Variants in KDELR1 observed in about 807,000 individuals in gnomAD.
KDELR1 encodes the protein KDEL endoplasmic reticulum protein retention receptor 1, also known as ER lumen protein-retaining receptor 1.
A neutral mutation model predicts 25.5 loss-of-function variants in KDELR1; 16 were observed. The ratio of observed to expected loss-of-function variants is 0.63; its 90% CI spans 0.43 to 0.95. The LOEUF is 0.95. Ranked by LOEUF, KDELR1 falls within the 40% of genes least tolerant of loss-of-function variation. The pLI, the probability that KDELR1 is intolerant of heterozygous loss-of-function variation, is 0.00. For missense variants in KDELR1, 159 were observed against 265.2 expected, an observed-to-expected ratio of 0.60 and a Z score of 2.78; for synonymous variants, 121 against 115.0, an observed-to-expected ratio of 1.05 and a Z score of -0.33.
intron 2 of KDELR1, 56 bp downstream of exon 2, chr19:48,390,368 C>G: frequency 7.5e-7 from 1 of 1,329,858 alleles, no homozygotes; most frequent in South Asian, 1.2e-5. Context: ...AGTCTGGGAC[C>G]CACACCCGGC....
In KDELR1 at chr19:48,389,669, A is replaced by G; in HGVS notation, c.235T>C (p.Tyr79His). Reference protein sequence around the residue: ...ACSFTTVWLIYSKFKATYDGN... With the variant: ...ACSFTTVWLIHSKFKATYDGN... ...TCGTAAGTAGCTTTGAACTTGCTAT[A>G]AATCAACCAGACCGTGGTGAAGGAG... is the stretch of plus-strand genomic sequence containing the variant. The change falls in exon 3 of 5, where the codon TAT becomes CAT. Residue 79 changes from tyrosine (Y) to histidine (H), a missense_variant. Physicochemically the swap from Tyr to His is moderately conservative, Grantham distance 83. Transcript: ENST00000330720. The G allele has an allele frequency of 6.2e-7, 1 of 1,614,136 alleles. No individual in the cohort carries two copies. The highest frequency in any genetic ancestry group is 8.5e-7 in the Non-Finnish European group (1 of 1,179,982).
intron 3 of KDELR1, among the ~76,000 whole-genome samples, chr19:48,385,243 T>C (rs1294063405): frequency 6.6e-6 from 1 of 152,180 alleles, no homozygotes; most frequent in East Asian, 1.9e-4. Flanking sequence ...GGAAAAGCTC[T>C]TCCCCTACAC....
Position 48,384,326 on chromosome 19 carries a change from A to G in KDELR1, c.508T>C (p.Tyr170His), listed in dbSNP as rs369566600. The G allele has an allele frequency of 6.2e-7, 1 of 1,614,250 alleles. No individual in the cohort carries two copies. The highest frequency in any genetic ancestry group is 8.5e-7 in the Non-Finnish European group (1 of 1,180,048). The change falls in exon 4 of 5, where the codon TAC (tyrosine) becomes CAC (histidine). Residue 170 changes from tyrosine to histidine, a missense_variant. Transcript: ENST00000330720. This position sits in a 1 kb window ranked among gnomAD's most constrained non-coding sequence, Gnocchi z 4.6. ...AGGTCGAAGAAGCCCTCGAAATGGTAGCGCCAGATCCAGTTGAAGAGATAG... is the reference window on the plus strand; with the variant it reads ...AGGTCGAAGAAGCCCTCGAAATGGTGGCGCCAGATCCAGTTGAAGAGATAG... ...TLYLFNWIWR[Y>H]HFEGFFDLIA... is the part of the protein sequence containing the mutation.
intron 1 of KDELR1, chr19:48,390,875 G>A (rs185307052): frequency 2.5e-4 from 111 of 437,518 alleles, no homozygotes; most frequent in African/African-American, 1.9e-3. Context: ...GTGAGGCCTA[G>A]GGAGGACCTT....
At position 48,389,726 on chromosome 19, in the gene KDELR1, G is replaced by T. The variant is rs1168853205; in HGVS notation, c.193-15C>A. 1 of 1,613,414 alleles carries T rather than the reference G, an allele frequency of 6.2e-7. No individual in the cohort carries two copies. Among genetic ancestry groups the T allele is most frequent in the African/African-American group, 1.3e-5 (1 of 74,884 alleles). ...ATGTAGACCACCTGAGGAGGGGGAT[G>T]ATGAGAAGGGGCCTCAACTCACAGG... On this transcript the variant is annotated splice_polypyrimidine_tract_variant and intron_variant, in intron 2 of 4. Coordinates refer to ENST00000330720, the MANE Select transcript of KDELR1 (RefSeq NM_006801.3).
chr19:48,390,559 GAGACAGAGAGAGAGAGAGAGAC>G lies in KDELR1; in HGVS notation c.92-57_92-36del, dbSNP rs376056477. The stretch of plus-strand genomic sequence containing the variant: ...AGAGACAGAGAAAGAGAGAGAGAGA[GAGACAGAGAGAGAGAGAGAGAC>G]AGACAGACAGACAGACAGACAGAAG... On this transcript the variant is annotated intron_variant, in intron 1 of 4. Coordinates refer to ENST00000330720, the MANE Select transcript of KDELR1 (RefSeq NM_006801.3). 1,388 of 1,308,106 alleles carry G rather than the reference GAGACAGAGAGAGAGAGAGAGAC, an allele frequency of 1.1e-3. 7 individuals are homozygous for G. In the African/African-American group the frequency reaches 0.015, roughly 14 times the overall value. The allele number at this position is 1,308,106 out of a possible 1,614,324, so 81.0% of individuals were successfully genotyped here.
Position 48,391,415 on chromosome 19 carries a change from C to T in KDELR1, c.-57G>A. 2 of 1,402,708 alleles carry T rather than the reference C, an allele frequency of 1.4e-6. No homozygotes were observed. The highest frequency in any genetic ancestry group is 2.0e-6 in the Non-Finnish European group (2 of 1,013,276). The allele number at this position is 1,402,708 out of a possible 1,614,324, so 86.9% of individuals were successfully genotyped here. On this transcript the variant is annotated 5_prime_UTR_variant, in exon 1 of 5. Coordinates refer to ENST00000330720, the MANE Select transcript of KDELR1 (RefSeq NM_006801.3). ...GGGAGGCAGGCTGGCGGGGGGGTGC[C>T]CCCCGAGGCTGCTGGTCTGAACGGG...
chr19:48,386,634 C>T (rs183567874), intron 3 of KDELR1, among the ~76,000 whole-genome samples: 12 of 149,156 alleles, frequency 8.0e-5, no homozygotes, highest in Non-Finnish European at 1.2e-4. Context: ...TTTTAATAGA[C>T]AGGGGGTTTC....
intron 3 of KDELR1, among the ~76,000 whole-genome samples, chr19:48,388,876 GAAGGAAGAAAGA>G (rs1368054333): frequency 2.8e-5 from 4 of 144,806 alleles, no homozygotes; most frequent in Non-Finnish European, 6.0e-5. Context: ...AGAAAGGAAG[GAAGGAAGAAAGA>G]AAGGAAGGAA....
the KDELR1 span, among the ~76,000 whole-genome samples, chr19:48,396,574 C>T: frequency 6.6e-6 from 1 of 151,602 alleles, no homozygotes; most frequent in Non-Finnish European, 1.5e-5. Context: ...TTATTCTGAG[C>T]GCTGATTGAG....
chr19:48,395,606 G>C (rs1205979640), upstream of KDELR1, among the ~76,000 whole-genome samples: 2 of 152,032 alleles, frequency 1.3e-5, no homozygotes, highest in African/African-American at 4.8e-5. Flanking sequence ...CTTCTCTGTT[G>C]GATGCTGTGG....
upstream of KDELR1, among the ~76,000 whole-genome samples, chr19:48,396,522 C>T (rs1182748297): frequency 1.3e-5 from 2 of 151,478 alleles, no homozygotes; most frequent in Non-Finnish European, 1.5e-5. Flanking sequence ...CCCGCGGGGG[C>T]CAGGCCACAG....
upstream of KDELR1, among the ~76,000 whole-genome samples, chr19:48,392,381 C>T (rs1970568766): frequency 6.7e-6 from 1 of 149,408 alleles, no homozygotes; most frequent in Non-Finnish European, 1.5e-5. Flanking sequence ...TCCCTCAGAC[C>T]CAGGGGTCCA....
chr19:48,390,577 G>GAC (rs1555890424), intron 1 of KDELR1, 53 bp from the exon 2 acceptor site: 26 of 980,222 alleles, frequency 2.7e-5, no homozygotes, highest in African/African-American at 5.0e-5. Context: ...GAGAGAGAGA[G>GAC]AGACAGACAG....
Position 48,390,528 on chromosome 19 carries a change from TG to T in KDELR1, c.92-5del. The T allele has an allele frequency of 6.2e-7, 1 of 1,601,576 alleles. No individual in the cohort carries two copies. The highest frequency in any genetic ancestry group is 8.5e-7 in the Non-Finnish European group (1 of 1,171,870). On this transcript the variant is annotated splice_region_variant and splice_polypyrimidine_tract_variant and intron_variant, in intron 1 of 4. Coordinates refer to ENST00000330720, the MANE Select transcript of KDELR1 (RefSeq NM_006801.3). ...ACCTGGCTCTTCCCTGAAATTCCTGTGGTCCAGAGACAGAGAAAGAGAGAGA... is the reference window on the plus strand; with the variant it reads ...ACCTGGCTCTTCCCTGAAATTCCTGTGTCCAGAGACAGAGAAAGAGAGAGA...
chr19:48,389,244 TG>T (rs1299822709), intron 3 of KDELR1, among the ~76,000 whole-genome samples: 1 of 152,164 alleles, frequency 6.6e-6, no homozygotes, highest in Non-Finnish European at 1.5e-5. Context: ...CACTCCAGTC[TG>T]GGCAACAGAG....
Position 48,384,501 on chromosome 19 carries a change from CATG to C in KDELR1, c.352-22_352-20del. On this transcript the variant is annotated intron_variant, in intron 3 of 4. Coordinates refer to ENST00000330720, the MANE Select transcript of KDELR1 (RefSeq NM_006801.3). The surrounding 1 kb of genome is among the most constrained non-coding windows in gnomAD (Gnocchi z 4.6). ...AGAGGATCTGCAGAGAGGCCGGGGA[CATG>C]ATGAGGTGGGAGGGGACAGGGCGGG... 6.2e-7 allele frequency: 1 copy of C among 1,607,502 alleles called. No individual in the cohort carries two copies. The highest frequency in any genetic ancestry group is 8.5e-7 in the Non-Finnish European group (1 of 1,176,352).
intron 3 of KDELR1, among the ~76,000 whole-genome samples, chr19:48,385,762 C>A (rs1473890802): frequency 6.6e-6 from 1 of 152,172 alleles, no homozygotes; most frequent in Admixed American, 6.6e-5. Context: ...CTATTCATAA[C>A]AACTCATGCT....
At chr19:48,393,975 C>A (rs1354316902), upstream of KDELR1, among the ~76,000 whole-genome samples, 1 of 151,914 alleles carries the variant, frequency 6.6e-6, no homozygotes, top group Non-Finnish European at 1.5e-5. The surrounding 1 kb of genome is among the most constrained non-coding windows in gnomAD (Gnocchi z 5.6). Flanking sequence ...TCTGTACCGA[C>A]CCTGAGCTGC....
Sources: allele counts gnomAD v4.1 joint callset (sites outside exome capture counted in the v4.1 genomes callset), GRCh38; gene constraint gnomAD v4.1.1; non-coding constraint Gnocchi (gnomAD v3.1); transcripts MANE v1.5; gene names NCBI Gene and HGNC (gene_info 2026-07-23, HGNC 2026-07-21).